Variants in MEI4 observed in about 807,000 individuals in gnomAD.
MEI4 encodes meiosis-specific protein MEI4.
Under a neutral mutation model 31.4 loss-of-function variants are expected in MEI4, and 27 were observed. The ratio of observed to expected loss-of-function variants is 0.86; its 90% CI spans 0.63 to 1.19. MEI4 has a LOEUF of 1.19. Ranked by LOEUF, MEI4 falls within the 50% of genes most tolerant of loss-of-function variation. The pLI is 0.00. For missense variants in MEI4, 329 were observed against 398.9 expected, an observed-to-expected ratio of 0.82 and a Z score of 1.49; for synonymous variants, 122 against 145.4, an observed-to-expected ratio of 0.84 and a Z score of 1.16.
intron 3 of MEI4, among the ~76,000 whole-genome samples, chr6:77,817,679 T>A (rs1254704344): frequency 4.6e-5 from 7 of 152,098 alleles, no homozygotes; most frequent in African/African-American, 1.7e-4. Context: ...ATTTATGGGA[T>A]AAAATGTGAT....
intron 2 of MEI4, among the ~76,000 whole-genome samples, chr6:77,752,460 C>A (rs1423697677): frequency 6.6e-6 from 1 of 152,120 alleles, no homozygotes; most frequent in African/African-American, 2.4e-5. Flanking sequence ...CATTCTTATA[C>A]ACCAAGAACA....
chr6:77,873,407 G>A (rs1771247699), intron 4 of MEI4, among the ~76,000 whole-genome samples: 1 of 152,158 alleles, frequency 6.6e-6, no homozygotes, highest in African/African-American at 2.4e-5. Context: ...GTCTTCTTTT[G>A]AGAAGTGTCT....
At chr6:77,876,210 A>G (rs1345152093) in intron 4 of MEI4, among the ~76,000 whole-genome samples, 1 of 152,192 alleles carries the variant, frequency 6.6e-6, no homozygotes, top group Non-Finnish European at 1.5e-5. Context: ...GTTTGAATGT[A>G]TCCCCCAAAT....
chr6:77,679,342 A>G (rs879276268), intron 1 of MEI4, among the ~76,000 whole-genome samples: 1 of 152,162 alleles, frequency 6.6e-6, no homozygotes. Context: ...AATCTTTTAT[A>G]TCGTATTTTT....
chr6:77,716,700 T>C (rs754453757), intron 2 of MEI4: 49 of 170,116 alleles, frequency 2.9e-4, no homozygotes, highest in Non-Finnish European at 5.3e-4. Flanking sequence ...AGGATAATTT[T>C]GGGAAAGGTA....
intron 4 of MEI4, among the ~76,000 whole-genome samples, chr6:77,917,950 T>C (rs1012996199): frequency 2.8e-4 from 43 of 151,030 alleles, no homozygotes; most frequent in African/African-American, 1.0e-3. Context: ...TTGTATAAGG[T>C]GTAAGGAAGG....
At chr6:77,806,266 T>C (rs1171312580) in intron 3 of MEI4, among the ~76,000 whole-genome samples, 1 of 152,114 alleles carries the variant, frequency 6.6e-6, no homozygotes, top group Admixed American at 6.6e-5. Context: ...CAGTTATCTT[T>C]TCTTAGAAAC....
In MEI4 at chr6:77,923,817, TATATC is replaced by T. The variant is rs1279372991; in HGVS notation, c.*474_*478del. ...AAACTTTTTCTTACATAGTTGAACT[TATATC>T]ATTGCTTTCACCTTAGACGAGAATC... is the stretch of plus-strand genomic sequence containing the variant. On this transcript the variant is annotated 3_prime_UTR_variant, in exon 5 of 5. Transcript: ENST00000684080. The T allele has an allele frequency of 1.3e-5, 2 of 151,856 alleles. No individual in the cohort carries two copies. The highest frequency in any genetic ancestry group is 2.1e-4 in the South Asian group (1 of 4,830). 9.4% of individuals were successfully genotyped at this position (151,856 alleles called of 1,614,324 possible). A position where few individuals can be genotyped will look rare whatever the true frequency, so the allele number is the denominator to read the frequency against.
At chr6:77,770,860 C>A (rs1272974322) in intron 3 of MEI4, among the ~76,000 whole-genome samples, 1 of 151,982 alleles carries the variant, frequency 6.6e-6, no homozygotes, top group African/African-American at 2.4e-5. Flanking sequence ...TAGGAAATAC[C>A]ATTCTGGACA....
intron 4 of MEI4, among the ~76,000 whole-genome samples, chr6:77,883,399 T>C (rs1771533589): frequency 6.6e-6 from 1 of 151,992 alleles, no homozygotes; most frequent in Non-Finnish European, 1.5e-5. Context: ...GAACTTATGT[T>C]TTCTAACTGC....
At chr6:77,708,493 T>C (rs901540474) in intron 2 of MEI4, among the ~76,000 whole-genome samples, 4 of 152,176 alleles carry the variant, frequency 2.6e-5, no homozygotes, top group Admixed American at 6.5e-5. Flanking sequence ...GTTGGGACTT[T>C]TGGAGACTAT....
chr6:77,903,003 G>T (rs149996984), intron 4 of MEI4, among the ~76,000 whole-genome samples: 47 of 152,180 alleles, frequency 3.1e-4, no homozygotes, highest in African/African-American at 1.1e-3. Flanking sequence ...GATTTTGGGG[G>T]CTCACACCTT....
intron 3 of MEI4, among the ~76,000 whole-genome samples, chr6:77,767,510 C>T (rs568185914): frequency 6.6e-6 from 1 of 152,172 alleles, no homozygotes; most frequent in South Asian, 2.1e-4. Context: ...TCCTTGGCAA[C>T]ATGGTGAGAC....
intron 2 of MEI4, among the ~76,000 whole-genome samples, chr6:77,745,172 G>A (rs1767558358): frequency 6.6e-6 from 1 of 152,076 alleles, no homozygotes; most frequent in Non-Finnish European, 1.5e-5. Flanking sequence ...GACACAGACT[G>A]GCAAATTGGA....
chr6:77,774,857 A>G (rs1768399274), intron 3 of MEI4, among the ~76,000 whole-genome samples: 1 of 152,070 alleles, frequency 6.6e-6, no homozygotes, highest in South Asian at 2.1e-4. Flanking sequence ...ACCACAAACT[A>G]GTGCCTTAAA....
chr6:77,655,240 C>CT lies in MEI4; in HGVS notation c.-15+2154dup, dbSNP rs1002749389. Reference sequence around the variant, plus strand: ...TCCCTCCAAAGGACATGAACTCATCCTTTTTTATGGCTGCATAGTATTCCA... The same window carrying CT: ...TCCCTCCAAAGGACATGAACTCATCCTTTTTTTATGGCTGCATAGTATTCCA... On this transcript the variant is annotated intron_variant, in intron 1 of 4. Transcript: ENST00000684080. 3.9e-5 allele frequency among the ~76,000 whole-genome samples: 6 copies of CT among 152,236 alleles called. No homozygotes were observed. The South Asian group carries it at 8.3e-4, about 21-fold the overall frequency.
chr6:77,775,155 C>G (rs921488322), intron 3 of MEI4, among the ~76,000 whole-genome samples: 1 of 152,088 alleles, frequency 6.6e-6, no homozygotes, highest in African/African-American at 2.4e-5. Context: ...ATCTCAGATT[C>G]TTAATTTAAT....
chr6:77,791,889 A>C (rs1768946827), intron 3 of MEI4, among the ~76,000 whole-genome samples: 1 of 152,098 alleles, frequency 6.6e-6, no homozygotes, highest in Non-Finnish European at 1.5e-5. Flanking sequence ...TCTCCTATCT[A>C]ACTGAAATTT....
intron 2 of MEI4, among the ~76,000 whole-genome samples, chr6:77,756,025 G>A (rs1767908617): frequency 6.6e-6 from 1 of 152,072 alleles, no homozygotes; most frequent in African/African-American, 2.4e-5. Flanking sequence ...GCACCAGCAT[G>A]GCTTCATTAT....
Sources: gnomAD v4.1 joint callset for allele counts (sites outside exome capture counted in the v4.1 genomes callset) on GRCh38, gnomAD v4.1.1 for gene constraint, MANE v1.5 for transcripts, NCBI Gene and HGNC (gene_info 2026-07-23, HGNC 2026-07-21) for gene names.